GRAMD1B: variants seen among roughly 807,000 people sequenced by gnomAD.
GRAMD1B encodes GRAM domain containing 1B.
GRAMD1B carries 37 observed loss-of-function variants against 99.7 expected under a neutral mutation model. The observed-to-expected ratio is 0.37, with a 90% CI of 0.29 to 0.49. The LOEUF (loss-of-function observed/expected upper bound fraction) is 0.49, where lower values mean the gene tolerates loss of function less well. Ranked by LOEUF, GRAMD1B falls within the 20% of genes least tolerant of loss-of-function variation. The pLI is 0.98. For synonymous variants in GRAMD1B, 427 were observed against 387.6 expected, an observed-to-expected ratio of 1.10 and a Z score of -1.19; for missense variants, 888 against 1,009.2, an observed-to-expected ratio of 0.88 and a Z score of 1.63.
chr11:123,600,775 G>A (rs1162882997), intron 8 of GRAMD1B, among the ~76,000 whole-genome samples: 1 of 152,112 alleles, frequency 6.6e-6, no homozygotes, highest in Non-Finnish European at 1.5e-5. Flanking sequence ...AATGTCTCAG[G>A]ATTTTCTCTA....
At chr11:123,405,334 C>T (rs986621715) in intron 1 of GRAMD1B, among the ~76,000 whole-genome samples, 8 of 152,100 alleles carry the variant, frequency 5.3e-5, no homozygotes, top group Non-Finnish European at 1.2e-4. Context: ...CTGCTCTGAC[C>T]CTTCTCTGCT....
At chr11:123,368,511 C>T (rs2135716718) in intron 1 of GRAMD1B, among the ~76,000 whole-genome samples, 1 of 150,968 alleles carries the variant, frequency 6.6e-6, no homozygotes. Flanking sequence ...GAAACCCCAT[C>T]TCTACAAAAA....
intron 7 of GRAMD1B, 115 bp from the exon 8 acceptor site, chr11:123,600,353 T>A: frequency 1.5e-6 from 1 of 648,100 alleles, no homozygotes; most frequent in Non-Finnish European, 2.7e-6. Context: ...TAACTGAGAG[T>A]CATTAGTGTT....
chr11:123,604,357 C>T (rs1485787050), intron 9 of GRAMD1B, among the ~76,000 whole-genome samples: 6 of 152,160 alleles, frequency 3.9e-5, no homozygotes, highest in Admixed American at 3.9e-4. Context: ...AAAGCACATG[C>T]AGTGAGGGAG....
In GRAMD1B at chr11:123,591,370, T is replaced by C. The variant is rs556055446; in HGVS notation, c.685-2712T>C. ...TCAGTGCTCAGGGAGCCAGGCGTCG[T>C]TGGGAGGGGCAGCCGTGCTGGGCAA... On this transcript the variant is annotated intron_variant, in intron 4 of 19. Coordinates refer to ENST00000635736, the MANE Select transcript of GRAMD1B (RefSeq NM_001387025.1). The surrounding 1 kb of genome is among the most constrained non-coding windows in gnomAD (Gnocchi z 4.7). The C allele has an allele frequency of 7.3e-5, 29 of 398,926 alleles. No homozygotes were observed. In the South Asian group the frequency reaches 3.2e-3, roughly 44 times the overall value. 24.7% of individuals were successfully genotyped at this position (398,926 alleles called of 1,614,324 possible). A position where few individuals can be genotyped will look rare whatever the true frequency, so the allele number is the denominator to read the frequency against.
chr11:123,422,850 C>A (rs1948500666), intron 1 of GRAMD1B, among the ~76,000 whole-genome samples: 1 of 152,182 alleles, frequency 6.6e-6, no homozygotes, highest in Non-Finnish European at 1.5e-5. Flanking sequence ...GGATCAGGAT[C>A]CTTCTCCCTC....
intron 1 of GRAMD1B, among the ~76,000 whole-genome samples, chr11:123,460,838 A>G (rs1272746839): frequency 1.3e-5 from 2 of 152,088 alleles, no homozygotes; most frequent in Admixed American, 6.6e-5. Flanking sequence ...GGGTTTCTGC[A>G]TGAATCCCCT....
rs1163679566 is a variant in GRAMD1B, at chr11:123,490,518, G to T, written c.452+9625G>T. Among the ~76,000 whole-genome samples, 3 of 152,214 alleles carry T rather than the reference G, an allele frequency of 2.0e-5. No homozygotes were observed. The East Asian group carries it at 5.8e-4, about 29-fold the overall frequency. On this transcript the variant is annotated intron_variant, in intron 2 of 19. Coordinates refer to ENST00000635736, the MANE Select transcript of GRAMD1B (RefSeq NM_001387025.1). ...AGAGGCTGTTTCATGGACACTAGGA[G>T]ATCAGCTGAGGCCCTTAGGAGCCTA...
At chr11:123,560,749 C>T in intron 2 of GRAMD1B, 2 of 447,520 alleles carry the variant, frequency 4.5e-6, no homozygotes, top group South Asian at 3.1e-5. Flanking sequence ...TTTGTTTCCT[C>T]GTGGGATTTT....
intron 2 of GRAMD1B, among the ~76,000 whole-genome samples, chr11:123,576,798 C>G (rs1312663717): frequency 2.6e-5 from 4 of 152,196 alleles, no homozygotes; most frequent in Admixed American, 2.6e-4. Context: ...TTTAGCTTCC[C>G]TCTGTCAGGC....
At chr11:123,534,313 T>C (rs779284050) in intron 2 of GRAMD1B, among the ~76,000 whole-genome samples, 5 of 152,212 alleles carry the variant, frequency 3.3e-5, no homozygotes, top group Non-Finnish European at 7.3e-5. Context: ...TGTGTTCACA[T>C]TGAGTAGGCT....
In GRAMD1B at chr11:123,585,589, C is replaced by G. The variant is rs142451676; in HGVS notation, c.684+1257C>G. On this transcript the variant is annotated intron_variant, in intron 4 of 19. Transcript: ENST00000635736. ...ACTCTACTTCTATCTCTGAGCCACC[C>G]CCTTACCTTCTAGGAGGTTTCCTGG... Among the ~76,000 whole-genome samples, 797 of 152,238 alleles carry G rather than the reference C, an allele frequency of 5.2e-3. 8 individuals carry two copies. Among genetic ancestry groups the G allele is most frequent in the Non-Finnish European group, 7.6e-3 (516 of 67,988 alleles).
At chr11:123,582,887 G>A (rs755868329) in intron 3 of GRAMD1B, among the ~76,000 whole-genome samples, 4 of 152,220 alleles carry the variant, frequency 2.6e-5, no homozygotes, top group African/African-American at 4.8e-5. Context: ...CCAGACCTCT[G>A]GGTGGAGCTA....
chr11:123,384,847 A>G lies in GRAMD1B; in HGVS notation c.-176+26048A>G, dbSNP rs141796596. Among the ~76,000 whole-genome samples, 530 of 152,322 alleles carry G rather than the reference A, an allele frequency of 3.5e-3. 4 individuals are homozygous for G. The highest frequency in any genetic ancestry group is 6.0e-3 in the Non-Finnish European group (405 of 68,034). On this transcript the variant is annotated intron_variant, in intron 1 of 20. Coordinates refer to the GRAMD1B transcript ENST00000638157. The stretch of plus-strand genomic sequence containing the variant: ...AGTCCATATATTTAGCTTGCAGGTC[A>G]TATGGTCTCCATCACAACTACTCAG...
chr11:123,517,024 A>G (rs890325122), intron 2 of GRAMD1B, among the ~76,000 whole-genome samples: 1 of 152,128 alleles, frequency 6.6e-6, no homozygotes, highest in South Asian at 2.1e-4. Context: ...GGCTCAAGCA[A>G]TTCTCCTGCC....
intron 1 of GRAMD1B, chr11:123,454,382 T>G (rs1328300211): frequency 1.3e-5 from 2 of 152,194 alleles, no homozygotes; most frequent in Non-Finnish European, 2.9e-5. Context: ...CTTGCGTTGT[T>G]TTTTCGTCAT....
chr11:123,536,259 G>A lies in GRAMD1B; in HGVS notation c.453-41108G>A, dbSNP rs1040321527. ...GTGAAACCCCATCTCTACCAAAAAC[G>A]TGAAAATTAGCTGGGTGTGGTGGTG... On this transcript the variant is annotated intron_variant, in intron 2 of 19. Coordinates refer to ENST00000635736, the MANE Select transcript of GRAMD1B (RefSeq NM_001387025.1). Among the ~76,000 whole-genome samples, 11 of 151,904 alleles carry A rather than the reference G, an allele frequency of 7.2e-5. No individual in the cohort carries two copies. In the East Asian group the frequency reaches 1.2e-3, roughly 16 times the overall value.
chr11:123,406,511 C>A (rs1331176247), intron 1 of GRAMD1B, among the ~76,000 whole-genome samples: 1 of 152,042 alleles, frequency 6.6e-6, no homozygotes, highest in Non-Finnish European at 1.5e-5. Flanking sequence ...CTTGGCCTCC[C>A]ACAGTGCTGG....
chr11:123,583,104 ATGTG>A (rs761837189), intron 3 of GRAMD1B, among the ~76,000 whole-genome samples: 3 of 151,412 alleles, frequency 2.0e-5, no homozygotes, highest in African/African-American at 7.3e-5. Context: ...CTGTGTGTAT[ATGTG>A]TGTGTATATG....
Sources: allele counts gnomAD v4.1 joint callset (sites outside exome capture counted in the v4.1 genomes callset), GRCh38; gene constraint gnomAD v4.1.1; non-coding constraint Gnocchi (gnomAD v3.1); transcripts MANE v1.5; gene names NCBI Gene and HGNC (gene_info 2026-07-23, HGNC 2026-07-21).